Variants in GALNT18 observed in about 807,000 individuals in gnomAD.
The protein encoded by GALNT18 is polypeptide N-acetylgalactosaminyltransferase 18, also known as GalNAc-transferase 18.
GALNT18 carries 44 observed loss-of-function variants against 69.5 expected under a neutral mutation model. That is an observed-to-expected ratio of 0.63 (90% CI 0.50 to 0.81). The LOEUF (loss-of-function observed/expected upper bound fraction) is 0.81, where lower values mean the gene tolerates loss of function less well. GALNT18 is among the 40% of genes least tolerant of loss of function. The pLI, the probability that GALNT18 is intolerant of heterozygous loss-of-function variation, is 0.00. For synonymous variants in GALNT18, 364 were observed against 318.2 expected, an observed-to-expected ratio of 1.14 and a Z score of -1.53; for missense variants, 715 against 810.0, an observed-to-expected ratio of 0.88 and a Z score of 1.42.
chr11:11,386,708 T>C (rs897806145), intron 3 of GALNT18, among the ~76,000 whole-genome samples: 3 of 152,176 alleles, frequency 2.0e-5, no homozygotes, highest in Non-Finnish European at 4.4e-5. Context: ...CCCTAAGATA[T>C]AGCTCCTATT....
intron 1 of GALNT18, among the ~76,000 whole-genome samples, chr11:11,457,678 G>A (rs780839635): frequency 1.3e-5 from 2 of 152,248 alleles, no homozygotes; most frequent in Non-Finnish European, 2.9e-5. Flanking sequence ...GGGAGCGGCA[G>A]CTCTGCTTCT....
intron 8 of GALNT18, 42 bp from the exon 9 acceptor site, chr11:11,327,223 A>C: frequency 1.5e-6 from 2 of 1,370,666 alleles, no homozygotes; most frequent in Non-Finnish European, 2.1e-6. Context: ...AGAGAGAGGA[A>C]CAGAGAGAGC....
intron 3 of GALNT18, among the ~76,000 whole-genome samples, chr11:11,414,492 C>G (rs1232225646): frequency 6.6e-6 from 1 of 152,168 alleles, no homozygotes; most frequent in Non-Finnish European, 1.5e-5. Flanking sequence ...CTGCCTGGAA[C>G]ACTTTTCCAT....
chr11:11,495,653 A>G (rs944294703), intron 1 of GALNT18, among the ~76,000 whole-genome samples: 5 of 152,242 alleles, frequency 3.3e-5, no homozygotes, highest in Non-Finnish European at 7.3e-5. Flanking sequence ...AACACCCAGA[A>G]AGAGAAGACC....
intron 6 of GALNT18, among the ~76,000 whole-genome samples, chr11:11,351,244 G>A (rs145617066): frequency 0.012 from 1,811 of 152,294 alleles, 24 homozygotes; most frequent in African/African-American, 0.034. Context: ...CCTGCACATC[G>A]GGCTGCTGTG....
At position 11,539,654 on chromosome 11, in the gene GALNT18, G is replaced by A. The variant is rs143608749; in HGVS notation, c.235+81705C>T. On this transcript the variant is annotated intron_variant, in intron 1 of 10. Transcript: ENST00000227756. ...GGAAACTGCCCACTTGGGAGGCTGC[G>A]GAGGGTTCCATGCACCCCGCTTCTC... is the stretch of plus-strand genomic sequence containing the variant. Among the ~76,000 whole-genome samples the A allele has an allele frequency of 1.8e-4, 28 of 152,270 alleles. No individual in the cohort carries two copies. The East Asian group carries it at 3.7e-3, about 20-fold the overall frequency.
chr11:11,335,039 T>G (rs774537328), intron 7 of GALNT18, among the ~76,000 whole-genome samples: 2 of 152,244 alleles, frequency 1.3e-5, no homozygotes, highest in Non-Finnish European at 2.9e-5. Flanking sequence ...TCTCCCTTCA[T>G]GTTATAATTG....
At chr11:11,319,594 G>A (rs1849810480) in intron 9 of GALNT18, among the ~76,000 whole-genome samples, 2 of 152,156 alleles carry the variant, frequency 1.3e-5, no homozygotes, top group African/African-American at 4.8e-5. Context: ...TAGAATTCCA[G>A]GGTGCAAGAG....
chr11:11,518,326 C>A (rs191010371), intron 1 of GALNT18, among the ~76,000 whole-genome samples: 1 of 152,188 alleles, frequency 6.6e-6, no homozygotes, highest in Admixed American at 6.5e-5. Flanking sequence ...AAATGATGTG[C>A]AAATGAGAAA....
In GALNT18 at chr11:11,320,667, G is replaced by A. The variant is rs943577673; in HGVS notation, c.1512+6419C>T. On this transcript the variant is annotated intron_variant, in intron 9 of 10. Coordinates refer to ENST00000227756, the MANE Select transcript of GALNT18 (RefSeq NM_198516.3). This position sits in a 1 kb window ranked among gnomAD's most constrained non-coding sequence, Gnocchi z 4.9. The stretch of plus-strand genomic sequence containing the variant: ...GCGGGCTGGAAGATGACTTTGGGAA[G>A]CCTTGCCAGACAGCAGCCCCTTACC... 6.6e-6 allele frequency among the ~76,000 whole-genome samples: 1 copy of A among 152,184 alleles called. No individual in the cohort carries two copies. The highest frequency in any genetic ancestry group is 1.5e-5 in the Non-Finnish European group (1 of 68,024).
At chr11:11,354,648 A>G (rs1002060430) in intron 6 of GALNT18, among the ~76,000 whole-genome samples, 1 of 152,186 alleles carries the variant, frequency 6.6e-6, no homozygotes, top group Non-Finnish European at 1.5e-5. Flanking sequence ...TATTATCACT[A>G]TAATATTCCA....
At chr11:11,530,416 A>C (rs1015123894) in intron 1 of GALNT18, among the ~76,000 whole-genome samples, 1 of 152,138 alleles carries the variant, frequency 6.6e-6, no homozygotes, top group Admixed American at 6.5e-5. Flanking sequence ...GGCAACATCA[A>C]CTGGACCTGA....
At position 11,463,165 on chromosome 11, in the gene GALNT18, G is replaced by A. The variant is rs1366775200; in HGVS notation, c.236-14229C>T. ...TTCCTGCTTCCCTCAGTTATCACTG[G>A]CTGTATCCTCACACATGGACATACA... On this transcript the variant is annotated intron_variant, in intron 1 of 10. Coordinates refer to ENST00000227756, the MANE Select transcript of GALNT18 (RefSeq NM_198516.3). This position sits in a 1 kb window ranked among gnomAD's most constrained non-coding sequence, Gnocchi z 4.2. Among the ~76,000 whole-genome samples, 1 of 151,630 alleles carries A rather than the reference G, an allele frequency of 6.6e-6. No individual in the cohort carries two copies. Among genetic ancestry groups the A allele is most frequent in the African/African-American group, 2.4e-5 (1 of 41,226 alleles).
At chr11:11,274,543 G>A (rs1848897302) in intron 10 of GALNT18, among the ~76,000 whole-genome samples, 1 of 152,120 alleles carries the variant, frequency 6.6e-6, no homozygotes, top group African/African-American at 2.4e-5. Context: ...CTGAGTAGGT[G>A]GGTTTTTAAA....
chr11:11,454,194 G>T lies in GALNT18; in HGVS notation c.236-5258C>A, dbSNP rs1855871711. Among the ~76,000 whole-genome samples, 1 of 152,200 alleles carries T rather than the reference G, an allele frequency of 6.6e-6. No individual in the cohort carries two copies. The highest frequency in any genetic ancestry group is 1.5e-5 in the Non-Finnish European group (1 of 68,018). On this transcript the variant is annotated intron_variant, in intron 1 of 10. Transcript: ENST00000227756. The surrounding 1 kb of genome is among the most constrained non-coding windows in gnomAD (Gnocchi z 4.2). The stretch of plus-strand genomic sequence containing the variant: ...AGGAGCACAAAGCCAGTGAAGGCAT[G>T]GCCGGGGCAAATTCCAGCTGTGTGC...
At chr11:11,301,223 G>A (rs1849489062) in intron 9 of GALNT18, among the ~76,000 whole-genome samples, 1 of 152,204 alleles carries the variant, frequency 6.6e-6, no homozygotes, top group African/African-American at 2.4e-5. Flanking sequence ...CAGACACAGA[G>A]GGCGGGAAGA....
At chr11:11,515,518 TGTGGGGCTTAC>T (rs1203949270) in intron 1 of GALNT18, among the ~76,000 whole-genome samples, 1 of 152,188 alleles carries the variant, frequency 6.6e-6, no homozygotes, top group Non-Finnish European at 1.5e-5. Flanking sequence ...CCCCTGCCCT[TGTGGGGCTTAC>T]GTTCTAGTGT....
At chr11:11,380,928 G>A (rs1488199218) in intron 3 of GALNT18, among the ~76,000 whole-genome samples, 2 of 152,310 alleles carry the variant, frequency 1.3e-5, no homozygotes, top group African/African-American at 4.8e-5. Context: ...TTTAAACAGT[G>A]TGACCCCTGT....
Position 11,583,387 on chromosome 11 carries a change from T to A in GALNT18, c.235+37972A>T, listed in dbSNP as rs901446098. Among the ~76,000 whole-genome samples, 1 of 152,192 alleles carries A rather than the reference T, an allele frequency of 6.6e-6. No individual in the cohort carries two copies. The highest frequency in any genetic ancestry group is 1.5e-5 in the Non-Finnish European group (1 of 68,026). On this transcript the variant is annotated intron_variant, in intron 1 of 10. Coordinates refer to ENST00000227756, the MANE Select transcript of GALNT18 (RefSeq NM_198516.3). This position sits in a 1 kb window ranked among gnomAD's most constrained non-coding sequence, Gnocchi z 4.7. ...GAGCAGCTGACCAGTGCCAAGTACA[T>A]AGGAGGAGCTCAATTCATACATTCT... is the stretch of plus-strand genomic sequence containing the variant.
Sources: allele counts gnomAD v4.1 joint callset (sites outside exome capture counted in the v4.1 genomes callset), GRCh38; gene constraint gnomAD v4.1.1; non-coding constraint Gnocchi (gnomAD v3.1); transcripts MANE v1.5; gene names NCBI Gene and HGNC (gene_info 2026-07-23, HGNC 2026-07-21).